CEP135: variants seen among roughly 807,000 people sequenced by gnomAD.
The protein encoded by CEP135 is centrosomal protein of 135 kDa.
In CEP135, 142 loss-of-function variants were observed where a neutral mutation model predicts 157.3. That is an observed-to-expected ratio of 0.90 (90% CI 0.79 to 1.04). The LOEUF (loss-of-function observed/expected upper bound fraction) is 1.04. Among genes scored for constraint, CEP135 ranks in the 50% least tolerant of loss-of-function variants. CEP135 has a pLI of 0.00. For missense variants in CEP135, 1,317 were observed against 1,309.2 expected (o/e 1.01, Z -0.09); for synonymous variants, 396 against 439.8 (o/e 0.90, Z 1.25).
In CEP135 at chr4:56,017,808, A is replaced by T; in HGVS notation, c.2963A>T (p.Lys988Ile). ...RELCIKLDSG[K>I]DIMTQQLNSK... ...CTTTGCATTAAACTTGATTCAGGCA[A>T]AGATATTATGACCCAGCAATTGAAT... is the stretch of plus-strand genomic sequence containing the variant. Residue 988 changes from lysine (K) to isoleucine (I), a missense_variant, in exon 22 of 26, where the codon AAA becomes ATA. By Grantham distance (102) the Lys-to-Ile change is moderately radical. Transcript: ENST00000257287. The T allele has an allele frequency of 6.2e-7, 1 of 1,613,610 alleles. No homozygotes were observed. The highest frequency in any genetic ancestry group is 1.3e-5 in the African/African-American group (1 of 75,048).
chr4:56,028,549 T>C (rs1327080066), intron 25 of CEP135, among the ~76,000 whole-genome samples: 1 of 151,974 alleles, frequency 6.6e-6, no homozygotes, highest in East Asian at 1.9e-4. Flanking sequence ...ATTTTCTAAA[T>C]ATTGTCACCA....
intron 22 of CEP135, 79 bp downstream of exon 22, chr4:56,017,936 A>G (rs1264573350): frequency 4.3e-6 from 5 of 1,166,930 alleles, no homozygotes; most frequent in South Asian, 1.5e-5. Context: ...TCACCACACC[A>G]TGCATATACT....
In CEP135 at chr4:56,013,388, AT is replaced by A. The variant is rs984744972; in HGVS notation, c.2802+1413del. On this transcript the variant is annotated intron_variant, in intron 21 of 25. Coordinates refer to ENST00000257287, the MANE Select transcript of CEP135 (RefSeq NM_025009.5). Reference sequence around the variant, plus strand: ...AAGTTTTCAATTTAAATGAAGTCCAATTTTTTTTTTCCTTTGATGCCTATAC... The same window carrying A: ...AAGTTTTCAATTTAAATGAAGTCCAATTTTTTTTTCCTTTGATGCCTATAC... Among the ~76,000 whole-genome samples the A allele has an allele frequency of 3.7e-4, 55 of 149,888 alleles. 1 individual carries two copies. The highest frequency in any genetic ancestry group is 9.3e-4 in the African/African-American group (38 of 40,984).
chr4:56,029,896 G>A (rs1731285383), intron 25 of CEP135, among the ~76,000 whole-genome samples: 1 of 152,106 alleles, frequency 6.6e-6, no homozygotes, highest in Non-Finnish European at 1.5e-5. Flanking sequence ...TGAACGTGAA[G>A]GCCTAGGACA....
At position 55,959,757 on chromosome 4, in the gene CEP135, T is replaced by G. The variant is rs1233305418; in HGVS notation, c.690T>G (p.Tyr230Ter). The change falls in exon 6 of 26, where the codon TAT (tyrosine) becomes TAG (stop). Residue 230 changes from tyrosine to a stop codon, truncating the protein, a stop_gained. Coordinates refer to ENST00000257287, the MANE Select transcript of CEP135 (RefSeq NM_025009.5). LOFTEE classifies it high-confidence loss of function. ...LAMMESGVRD[Y>*]SKQIELRERE... ...TGATGGAAAGTGGGGTGAGAGACTATAGCAAGCAGGTAGGATTTTTATTTA... is the reference window on the plus strand; with the variant it reads ...TGATGGAAAGTGGGGTGAGAGACTAGAGCAAGCAGGTAGGATTTTTATTTA... 6.2e-7 allele frequency: 1 copy of G among 1,613,244 alleles called. No homozygotes were observed. The highest frequency in any genetic ancestry group is 2.2e-5 in the East Asian group (1 of 44,870).
intron 21 of CEP135, among the ~76,000 whole-genome samples, chr4:56,013,110 C>T (rs1473534824): frequency 6.6e-6 from 1 of 152,074 alleles, no homozygotes; most frequent in African/African-American, 2.4e-5. Flanking sequence ...AGCGGTATCT[C>T]GTGGTTCTGA....
At chr4:55,957,511 C>T (rs1728546287) in intron 5 of CEP135, 147 bp downstream of exon 5, 6 of 606,714 alleles carry the variant, frequency 9.9e-6, no homozygotes, top group Non-Finnish European at 1.6e-5. Flanking sequence ...TAAATACTTC[C>T]AGATTGATAT....
At chr4:56,005,660 G>A (rs555825332) in intron 17 of CEP135, among the ~76,000 whole-genome samples, 1 of 152,240 alleles carries the variant, frequency 6.6e-6, no homozygotes, top group African/African-American at 2.4e-5. Context: ...AGTATTCTGG[G>A]TTTGTCTCTG....
At chr4:56,013,430 C>T (rs965484930) in intron 21 of CEP135, among the ~76,000 whole-genome samples, 1 of 151,820 alleles carries the variant, frequency 6.6e-6, no homozygotes, top group African/African-American at 2.4e-5. Flanking sequence ...GTGTCATATC[C>T]AAGAAATTAT....
intron 25 of CEP135, among the ~76,000 whole-genome samples, chr4:56,028,166 G>A (rs1731217194): frequency 1.3e-5 from 2 of 152,300 alleles, no homozygotes; most frequent in South Asian, 4.1e-4. Flanking sequence ...GTTATTGTGA[G>A]TAATGCTGCT....
At chr4:56,016,481 T>G (rs1015951040) in intron 21 of CEP135, among the ~76,000 whole-genome samples, 1 of 152,186 alleles carries the variant, frequency 6.6e-6, no homozygotes, top group Non-Finnish European at 1.5e-5. Context: ...TGTTCTTTAT[T>G]ATTGTTCATG....
chr4:56,024,924 G>A (rs1228034369), intron 25 of CEP135, among the ~76,000 whole-genome samples: 4 of 151,680 alleles, frequency 2.6e-5, no homozygotes, highest in Admixed American at 6.6e-5. Context: ...GATCACCTAA[G>A]GCTAGGAGTT....
intron 18 of CEP135, among the ~76,000 whole-genome samples, chr4:56,009,044 G>A (rs1018575788): frequency 6.6e-5 from 10 of 152,162 alleles, no homozygotes; most frequent in African/African-American, 1.7e-4. Context: ...GACTGCAGGC[G>A]TGTGCCACCA....
chr4:56,033,078 C>A lies in CEP135; in HGVS notation c.*1730C>A, dbSNP rs139824654. On this transcript the variant is annotated 3_prime_UTR_variant, in exon 26 of 26. Transcript: ENST00000257287. ...ACTGTTTGCAATACCATATGGAAAT[C>A]TTTTAATAAATATATGTAAATAAAA... The A allele has an allele frequency of 2.9e-3, 435 of 152,084 alleles. 3 individuals carry two copies. Among genetic ancestry groups the A allele is most frequent in the African/African-American group, 9.8e-3 (406 of 41,506 alleles). The allele number at this position is 152,084 out of a possible 1,614,324, so 9.4% of individuals were successfully genotyped here.
Position 56,020,680 on chromosome 4 carries a change from A to C in CEP135, c.3220A>C (p.Ser1074Arg), listed in dbSNP as rs1193197916. 5 of 1,612,972 alleles carry C rather than the reference A, an allele frequency of 3.1e-6. No individual in the cohort carries two copies. The highest frequency in any genetic ancestry group is 4.2e-6 in the Non-Finnish European group (5 of 1,179,224). Residue 1074 changes from serine (S) to arginine (R), a missense_variant, in exon 24 of 26, where the codon AGT becomes CGT. By Grantham distance (110) the Ser-to-Arg change is moderately radical. Coordinates refer to ENST00000257287, the MANE Select transcript of CEP135 (RefSeq NM_025009.5). ...KLTLSESKLT[S>R]QSRENTMLRA... is the part of the protein sequence containing the mutation. ...ATTTTTTAATTTGTTTTTAAGAACT[A>C]GTCAAAGCCGGGAAAACACCATGCT... is the stretch of plus-strand genomic sequence containing the variant.
At chr4:55,964,019 C>T (rs1656374684) in intron 6 of CEP135, among the ~76,000 whole-genome samples, 1 of 151,980 alleles carries the variant, frequency 6.6e-6, no homozygotes, top group South Asian at 2.1e-4. Context: ...GAAAAAAATA[C>T]AAAAATTAAA....
chr4:56,007,837 G>T (rs889866872), intron 17 of CEP135, among the ~76,000 whole-genome samples: 1 of 152,074 alleles, frequency 6.6e-6, no homozygotes, highest in African/African-American at 2.4e-5. Flanking sequence ...GAACTGACTC[G>T]TCCTCATATT....
intron 1 of CEP135, among the ~76,000 whole-genome samples, chr4:55,950,645 A>T (rs778404435): frequency 2.8e-4 from 42 of 152,156 alleles, no homozygotes; most frequent in Non-Finnish European, 5.4e-4. Flanking sequence ...TAAAATAAAA[A>T]AAAAAAAGAA....
chr4:56,017,031 G>A (rs1369910622), intron 21 of CEP135, among the ~76,000 whole-genome samples: 2 of 151,864 alleles, frequency 1.3e-5, no homozygotes, highest in Non-Finnish European at 2.9e-5. Context: ...AAACCTAGAA[G>A]TAGAGTTTAT....
Sources: gnomAD v4.1 joint callset for allele counts (sites outside exome capture counted in the v4.1 genomes callset) on GRCh38, gnomAD v4.1.1 for gene constraint, MANE v1.5 for transcripts, NCBI Gene and HGNC (gene_info 2026-07-23, HGNC 2026-07-21) for gene names.